Variants in CHCHD3 observed in about 807,000 individuals in gnomAD.
The protein encoded by CHCHD3 is MICOS complex subunit MIC19.
Under a neutral mutation model 38.2 loss-of-function variants are expected in CHCHD3, and 20 were observed. That is an observed-to-expected ratio of 0.52 (90% CI 0.37 to 0.76). The LOEUF (loss-of-function observed/expected upper bound fraction) is 0.76, where lower values mean the gene tolerates loss of function less well. CHCHD3 is among the 30% of genes least tolerant of loss of function. CHCHD3 has a pLI of 0.00. For synonymous variants in CHCHD3, 82 were observed against 100.0 expected (o/e 0.82, Z 1.07); for missense variants, 245 against 279.2 (o/e 0.88, Z 0.87).
At chr7:132,840,935 C>G (rs935837067) in intron 5 of CHCHD3, among the ~76,000 whole-genome samples, 1 of 151,940 alleles carries the variant, frequency 6.6e-6, no homozygotes, top group Non-Finnish European at 1.5e-5. Flanking sequence ...CACACGCAAT[C>G]ACACACAAAA....
chr7:132,982,923 A>G (rs1811957246), intron 3 of CHCHD3, among the ~76,000 whole-genome samples: 1 of 152,188 alleles, frequency 6.6e-6, no homozygotes, highest in African/African-American at 2.4e-5. Context: ...TCACATATCT[A>G]TAAATATAAA....
At chr7:132,790,073 G>C (rs780459679) in intron 7 of CHCHD3, among the ~76,000 whole-genome samples, 16 of 152,176 alleles carry the variant, frequency 1.1e-4, no homozygotes, top group Non-Finnish European at 2.2e-4. Flanking sequence ...CTGGAAATCT[G>C]ATTAGATCAC....
rs540845831 is a variant in CHCHD3, at chr7:132,789,927, C to T, written c.661-4267G>A. Among the ~76,000 whole-genome samples the T allele has an allele frequency of 2.0e-5, 3 of 152,288 alleles. No individual in the cohort carries two copies. In the South Asian group the frequency reaches 6.2e-4, roughly 32 times the overall value. ...GTCAGGAAAAGTGGGGAGTGGGAGA[C>T]ACTGGAGCTTCGATGAGGAAAAAGC... On this transcript the variant is annotated intron_variant, in intron 7 of 7. Coordinates refer to ENST00000262570, the MANE Select transcript of CHCHD3 (RefSeq NM_017812.4).
At chr7:133,023,691 A>G (rs923320447) in intron 3 of CHCHD3, among the ~76,000 whole-genome samples, 16 of 152,226 alleles carry the variant, frequency 1.1e-4, no homozygotes, top group African/African-American at 3.9e-4. Context: ...CTTTTTATGA[A>G]TAAGTACCTA....
In CHCHD3 at chr7:132,882,461, C is replaced by CTATA. The variant is rs71178065; in HGVS notation, c.453+3197_453+3200dup. On this transcript the variant is annotated intron_variant, in intron 5 of 7. Transcript: ENST00000262570. ...TCTTCAAAAAGGAAAACAATATATT[C>CTATA]TATATATATATATATATATATATAT... Among the ~76,000 whole-genome samples the CTATA allele has an allele frequency of 3.9e-3, 529 of 134,794 alleles. 1 individual carries two copies. The highest frequency in any genetic ancestry group is 0.014 in the African/African-American group (510 of 36,284). 88.4% of individuals were successfully genotyped at this position (134,794 alleles called of 152,430 possible).
intron 4 of CHCHD3, among the ~76,000 whole-genome samples, chr7:132,923,880 G>A (rs56241894): frequency 0.039 from 5,915 of 152,202 alleles, 180 homozygotes; most frequent in Non-Finnish European, 0.055. Context: ...GAATGAGAAA[G>A]ATTAAGCACA....
chr7:132,796,473 T>C lies in CHCHD3; in HGVS notation c.629A>G (p.Gln210Arg), dbSNP rs2083407073. The C allele has an allele frequency of 1.9e-6, 3 of 1,613,794 alleles. No individual in the cohort carries two copies. Among genetic ancestry groups the C allele is most frequent in the African/African-American group, 2.7e-5 (2 of 74,898 alleles). The change falls in exon 7 of 8, where the codon CAG (glutamine) becomes CGG (arginine). Residue 210 changes from glutamine (Q) to arginine (R), a missense_variant. Gln to Arg is a conservative substitution (Grantham distance 43). Transcript: ENST00000262570. Reference sequence around the variant, plus strand: ...GGCATGATTGACACAGTGCATATACTGGGTGGCCAGAGCGGAGCATTTGAG... The same window carrying C: ...GGCATGATTGACACAGTGCATATACCGGGTGGCCAGAGCGGAGCATTTGAG... ...QTLKCSALAT[Q>R]YMHCVNHAKQ... is the part of the protein sequence containing the mutation.
chr7:132,842,237 T>C (rs1807958650), intron 5 of CHCHD3, among the ~76,000 whole-genome samples: 1 of 152,210 alleles, frequency 6.6e-6, no homozygotes, highest in African/African-American at 2.4e-5. Flanking sequence ...GGGCACATCC[T>C]GAAAAGGTTG....
chr7:132,837,172 A>G (rs952238717), intron 6 of CHCHD3, among the ~76,000 whole-genome samples: 3 of 152,224 alleles, frequency 2.0e-5, no homozygotes, highest in Non-Finnish European at 4.4e-5. Flanking sequence ...CTGTTTTTAT[A>G]GCTATTGTCT....
intron 4 of CHCHD3, among the ~76,000 whole-genome samples, chr7:132,918,637 CTAAAAGACT>C (rs1307526937): frequency 6.6e-6 from 1 of 152,128 alleles, no homozygotes; most frequent in Non-Finnish European, 1.5e-5. Context: ...TCAGTGAGAA[CTAAAAGACT>C]TAAAAGACTC....
At chr7:133,066,708 C>T (rs1372295633) in intron 2 of CHCHD3, among the ~76,000 whole-genome samples, 1 of 152,134 alleles carries the variant, frequency 6.6e-6, no homozygotes, top group African/African-American at 2.4e-5. Flanking sequence ...CTCTTCGGGC[C>T]AGACACACCA....
At chr7:132,860,597 G>A (rs181303977) in intron 5 of CHCHD3, among the ~76,000 whole-genome samples, 171 of 152,054 alleles carry the variant, frequency 1.1e-3, no homozygotes, top group African/African-American at 4.0e-3. Context: ...AAGCATGGAC[G>A]GTTTTCAGCA....
intron 6 of CHCHD3, among the ~76,000 whole-genome samples, chr7:132,821,747 CTTTTTT>C (rs71178063): frequency 1.0e-5 from 1 of 100,274 alleles, no homozygotes; most frequent in Admixed American, 1.1e-4. Context: ...GCACTCAAAT[CTTTTTT>C]TTTTTTTTTT....
Position 132,859,395 on chromosome 7 carries a change from A to G in CHCHD3, c.454-20926T>C, listed in dbSNP as rs148275593. Among the ~76,000 whole-genome samples, 137 of 152,340 alleles carry G rather than the reference A, an allele frequency of 9.0e-4. 1 individual carries two copies. Among genetic ancestry groups the G allele is most frequent in the East Asian group, 7.9e-3 (41 of 5,186 alleles). On this transcript the variant is annotated intron_variant, in intron 5 of 7. Transcript: ENST00000262570. ...TCTGTATATTACAAACTGAAACAAC[A>G]ACAACAAAACCAGAAGAAAAGTAAC...
chr7:132,796,654 A>C, intron 6 of CHCHD3, 77 bp from the exon 7 acceptor site: 1 of 1,312,452 alleles, frequency 7.6e-7, no homozygotes, highest in Non-Finnish European at 1.1e-6. Context: ...AACACATAAA[A>C]CGCACAGTAA....
At chr7:132,881,876 G>A (rs1299795133) in intron 5 of CHCHD3, among the ~76,000 whole-genome samples, 2 of 151,976 alleles carry the variant, frequency 1.3e-5, no homozygotes, top group African/African-American at 2.4e-5. Context: ...TTTGCATTAC[G>A]CCTAGAAAAT....
At position 132,934,429 on chromosome 7, in the gene CHCHD3, G is replaced by A. The variant is rs1341512558; in HGVS notation, c.369+40740C>T. ...CCATGGGGTGGGACACAGATAAGCA[G>A]GGAAATGCTGCAGTCCACAGTTCTC... On this transcript the variant is annotated intron_variant, in intron 4 of 7. Transcript: ENST00000262570. 3.3e-5 allele frequency among the ~76,000 whole-genome samples: 5 copies of A among 152,252 alleles called. No individual in the cohort carries two copies. In the South Asian group the frequency reaches 8.3e-4, roughly 25 times the overall value.
At chr7:132,793,008 A>G (rs960061192) in intron 7 of CHCHD3, among the ~76,000 whole-genome samples, 1 of 152,238 alleles carries the variant, frequency 6.6e-6, no homozygotes, top group African/African-American at 2.4e-5. Context: ...CAGATCTGAC[A>G]GCAAACCCTT....
intron 5 of CHCHD3, among the ~76,000 whole-genome samples, chr7:132,857,894 T>C (rs2117126825): frequency 6.6e-6 from 1 of 152,292 alleles, no homozygotes; most frequent in South Asian, 2.1e-4. Context: ...TCAACTACTT[T>C]AGTCCAGCCA....
Sources: gnomAD v4.1 joint callset for allele counts (sites outside exome capture counted in the v4.1 genomes callset) on GRCh38, gnomAD v4.1.1 for gene constraint, MANE v1.5 for transcripts, NCBI Gene and HGNC (gene_info 2026-07-23, HGNC 2026-07-21) for gene names.